Variants in DPH6 observed in about 807,000 individuals in gnomAD.
DPH6 encodes diphthine--ammonia ligase.
DPH6 carries 33 observed loss-of-function variants against 38.2 expected under a neutral mutation model. The observed-to-expected ratio is 0.86, with a 90% CI of 0.65 to 1.15. DPH6 has a LOEUF of 1.15. Ranked by LOEUF, DPH6 falls within the 50% of genes most tolerant of loss-of-function variation. The probability of loss-of-function intolerance (pLI) is 0.00; values close to 1 mark genes in which losing one functional copy is unlikely to be tolerated. For synonymous variants in DPH6, 108 were observed against 103.0 expected (o/e 1.05, Z -0.30); for missense variants, 325 against 320.0 (o/e 1.02, Z -0.12).
At chr15:35,287,901 A>G (rs926465041) in intron 3 of DPH6, among the ~76,000 whole-genome samples, 2 of 152,224 alleles carry the variant, frequency 1.3e-5, no homozygotes, top group Admixed American at 6.5e-5. Context: ...TAACCTGTAA[A>G]CACTAGCTAT....
At chr15:35,430,631 G>C (rs562398776) in intron 5 of DPH6, among the ~76,000 whole-genome samples, 20 of 151,940 alleles carry the variant, frequency 1.3e-4, no homozygotes, top group African/African-American at 4.1e-4. Context: ...CTATAAAGCT[G>C]GGCTTTGTGC....
chr15:35,540,747 G>A (rs893758779), intron 2 of DPH6, among the ~76,000 whole-genome samples: 1 of 151,984 alleles, frequency 6.6e-6, no homozygotes, highest in Non-Finnish European at 1.5e-5. Context: ...CCACCCTGCT[G>A]GTGAACCATG....
At chr15:35,462,672 T>C (rs1202091462) in intron 3 of DPH6, among the ~76,000 whole-genome samples, 2 of 152,226 alleles carry the variant, frequency 1.3e-5, no homozygotes, top group Non-Finnish European at 2.9e-5. Context: ...ACCATCACTT[T>C]CTATGTCCTT....
intron 3 of DPH6, among the ~76,000 whole-genome samples, chr15:35,277,642 G>A (rs908529279): frequency 2.6e-5 from 4 of 152,132 alleles, no homozygotes; most frequent in African/African-American, 9.7e-5. Flanking sequence ...CTAGTTAAAT[G>A]GTTATGACCA....
intron 3 of DPH6, among the ~76,000 whole-genome samples, chr15:35,363,942 A>T (rs1332846098): frequency 6.6e-6 from 1 of 151,952 alleles, no homozygotes; most frequent in Non-Finnish European, 1.5e-5. Context: ...AGTTATGTGC[A>T]CTGCTTTTTA....
chr15:35,538,252 C>A, intron 3 of DPH6, 22 bp downstream of exon 3: 1 of 1,434,194 alleles, frequency 7.0e-7, no homozygotes, highest in African/African-American at 1.4e-5. Context: ...ATCCAATATA[C>A]TTAATTGGTT....
the DPH6 span, among the ~76,000 whole-genome samples, chr15:35,184,804 T>C: frequency 8.0e-3 from 1,218 of 152,324 alleles, 5 homozygotes; most frequent in South Asian, 0.021. Context: ...CTAGGACTTG[T>C]TGTGTGTCCT....
At chr15:35,441,017 A>G (rs934402270) in intron 5 of DPH6, among the ~76,000 whole-genome samples, 2 of 152,242 alleles carry the variant, frequency 1.3e-5, no homozygotes, top group Non-Finnish European at 2.9e-5. Context: ...ACACTTCTCA[A>G]AAGAAGACAT....
chr15:35,447,841 T>C (rs577284717), intron 5 of DPH6, among the ~76,000 whole-genome samples: 1 of 152,280 alleles, frequency 6.6e-6, no homozygotes, highest in East Asian at 1.9e-4. Context: ...TATATAGTTG[T>C]GTACTTGCCT....
intron 3 of DPH6, among the ~76,000 whole-genome samples, chr15:35,349,448 T>C (rs986550583): frequency 1.3e-5 from 2 of 152,184 alleles, no homozygotes; most frequent in Admixed American, 6.5e-5. Flanking sequence ...TTGTTTTGTT[T>C]TTTTGAGACA....
At chr15:35,341,608 C>T (rs1471914380) in intron 3 of DPH6, among the ~76,000 whole-genome samples, 1 of 152,108 alleles carries the variant, frequency 6.6e-6, no homozygotes, top group East Asian at 1.9e-4. Context: ...AACAGTCAGG[C>T]TACTCTTCCA....
chr15:35,389,126 TCA>T (rs1435001809), intron 6 of DPH6, among the ~76,000 whole-genome samples: 1 of 152,212 alleles, frequency 6.6e-6, no homozygotes, highest in Admixed American at 6.5e-5. Flanking sequence ...AGCAGGTTGT[TCA>T]GTTTCCATGT....
intron 3 of DPH6, among the ~76,000 whole-genome samples, chr15:35,499,944 C>G (rs1318252093): frequency 6.6e-6 from 1 of 152,156 alleles, no homozygotes; most frequent in Non-Finnish European, 1.5e-5. Flanking sequence ...AAGAAATCAT[C>G]CAGTCTTCCA....
intron 3 of DPH6, among the ~76,000 whole-genome samples, chr15:35,536,028 T>C (rs2055163879): frequency 6.6e-6 from 1 of 152,112 alleles, no homozygotes; most frequent in Admixed American, 6.5e-5. Context: ...AATAAATGTT[T>C]ATAGTGAAAA....
chr15:35,517,848 G>A (rs1229568930), intron 3 of DPH6, among the ~76,000 whole-genome samples: 1 of 149,560 alleles, frequency 6.7e-6, no homozygotes, highest in Non-Finnish European at 1.5e-5. Context: ...CAATCATTGT[G>A]GTATATAACA....
chr15:35,478,465 T>G (rs2054289030), intron 3 of DPH6, among the ~76,000 whole-genome samples: 1 of 151,410 alleles, frequency 6.6e-6, no homozygotes, highest in Non-Finnish European at 1.5e-5. Flanking sequence ...ATATTCTCAG[T>G]GAGGTTTTAC....
chr15:35,156,624 C>T, the DPH6 span, among the ~76,000 whole-genome samples: 4 of 152,088 alleles, frequency 2.6e-5, no homozygotes, highest in Non-Finnish European at 5.9e-5. Context: ...CAAATTCATT[C>T]TGGCTGTCTG....
intron 3 of DPH6, among the ~76,000 whole-genome samples, chr15:35,469,747 T>C (rs1373026418): frequency 6.6e-6 from 1 of 152,062 alleles, no homozygotes; most frequent in African/African-American, 2.4e-5. Flanking sequence ...AAAACAGGAA[T>C]AATCAGGTAA....
At chr15:35,277,518 A>G (rs2051867167) in intron 3 of DPH6, among the ~76,000 whole-genome samples, 1 of 152,182 alleles carries the variant, frequency 6.6e-6, no homozygotes, top group African/African-American at 2.4e-5. Context: ...TATTATAAAG[A>G]TACCTGAAAA....
Sources: allele counts gnomAD v4.1 joint callset (sites outside exome capture counted in the v4.1 genomes callset), GRCh38; gene constraint gnomAD v4.1.1; transcripts MANE v1.5; gene names NCBI Gene and HGNC (gene_info 2026-07-23, HGNC 2026-07-21).